Variants in VRTN observed in about 807,000 individuals in gnomAD.
VRTN encodes vertebrae development associated, also known as vertnin.
VRTN carries 5 observed loss-of-function variants against 18.2 expected under a neutral mutation model. That is an observed-to-expected ratio of 0.27 (90% CI 0.14 to 0.58). The LOEUF (loss-of-function observed/expected upper bound fraction) is 0.58. Among genes scored for constraint, VRTN ranks in the 20% least tolerant of loss-of-function variants. VRTN has a pLI of 0.91. For synonymous variants in VRTN, 381 were observed against 393.7 expected (o/e 0.97, Z 0.38); for missense variants, 741 against 939.4 (o/e 0.79, Z 2.76).
At chr14:74,345,603 T>C (rs2085638956), upstream of VRTN, among the ~76,000 whole-genome samples, 1 of 152,030 alleles carries the variant, frequency 6.6e-6, no homozygotes, top group African/African-American at 2.4e-5. Context: ...TAGTCAAAAA[T>C]GTTTTTAAAA....
In VRTN at chr14:74,357,566, G is replaced by T; in HGVS notation, c.783G>T (p.Leu261=). 1 of 1,613,950 alleles carries T rather than the reference G, an allele frequency of 6.2e-7. No homozygotes were observed. Among genetic ancestry groups the T allele is most frequent in the Non-Finnish European group, 8.5e-7 (1 of 1,180,024 alleles). ...GCGTGGCCCCAGCTCTTCCAGCCCT[G>T]GCCCCACTCTCATCGCCGGCCAAGA... ...APGVAPALPA[L]APLSSPAKTL... is the part of the protein sequence containing the mutation. Residue 261 remains leucine, a synonymous_variant, in exon 2 of 2, where the codon CTG becomes CTT. Transcript: ENST00000256362. The surrounding 1 kb of genome is among the most constrained non-coding windows in gnomAD (Gnocchi z 7.8).
At chr14:74,354,241 C>T (rs1207961136) in intron 1 of VRTN, among the ~76,000 whole-genome samples, 1 of 152,070 alleles carries the variant, frequency 6.6e-6, no homozygotes, top group African/African-American at 2.4e-5. Flanking sequence ...CTAACTTCAT[C>T]AGATATATAG....
Position 74,357,311 on chromosome 14 carries a change from G to T in VRTN, c.528G>T (p.Leu176Phe), listed in dbSNP as rs907971987. ...GCAGCTTCTCCAACGTGTGGCACTT[G>T]TATGCTCTCGCCTCTGTCCTCCAGC... ...FPSSFSNVWH[L>F]YALASVLQRN... is the part of the protein sequence containing the mutation. The change falls in exon 2 of 2, where the codon TTG (leucine) becomes TTT (phenylalanine). Residue 176 changes from leucine to phenylalanine, a missense_variant. Leu to Phe is a conservative substitution (Grantham distance 22, BLOSUM62 0). This residue lies in a region of VRTN where 186 missense variants were observed against 288.3 expected (regional missense o/e 0.65). Transcript: ENST00000256362. This position sits in a 1 kb window ranked among gnomAD's most constrained non-coding sequence, Gnocchi z 7.8. The T allele has an allele frequency of 1.2e-6, 2 of 1,613,640 alleles. No individual in the cohort carries two copies. The highest frequency in any genetic ancestry group is 8.5e-7 in the Non-Finnish European group (1 of 1,179,596).
At chr14:74,348,808 AG>A (rs1323497380) in intron 1 of VRTN, among the ~76,000 whole-genome samples, 156 bp downstream of exon 1, 1 of 151,848 alleles carries the variant, frequency 6.6e-6, no homozygotes, top group Non-Finnish European at 1.5e-5. Context: ...TGTGTCTGGG[AG>A]TGTATGTAGA....
At position 74,359,994 on chromosome 14, in the gene VRTN, G is replaced by A. The variant is rs2085768774; in HGVS notation, c.*1102G>A. ...CGTTTGAAAACCAAAGAAATAAAGT[G>A]ATGCAGTGCCCACAGTGCTTGGTCT... is the stretch of plus-strand genomic sequence containing the variant. On this transcript the variant is annotated 3_prime_UTR_variant, in exon 2 of 2. Transcript: ENST00000256362. The A allele has an allele frequency of 6.0e-6, 1 of 167,052 alleles. No individual in the cohort carries two copies. The highest frequency in any genetic ancestry group is 1.5e-5 in the Non-Finnish European group (1 of 68,122). 10.3% of individuals were successfully genotyped at this position (167,052 alleles called of 1,614,324 possible).
chr14:74,320,861 C>G (rs1210050933), intron 1 of VRTN, among the ~76,000 whole-genome samples: 2 of 127,216 alleles, frequency 1.6e-5, no homozygotes, highest in Admixed American at 1.8e-4. Flanking sequence ...GCTGGGATTA[C>G]AAGCGTGAGC....
chr14:74,323,717 C>G (rs578103979), intron 1 of VRTN, among the ~76,000 whole-genome samples: 1 of 152,214 alleles, frequency 6.6e-6, no homozygotes, highest in East Asian at 1.9e-4. Flanking sequence ...CCAAAGAATT[C>G]CATGCAATAC....
Position 74,358,589 on chromosome 14 carries a change from G to T in VRTN, c.1806G>T (p.Gly602=), listed in dbSNP as rs375546332. Residue 602 remains glycine, a synonymous_variant, in exon 2 of 2, where the codon GGG becomes GGT. Coordinates refer to ENST00000256362, the MANE Select transcript of VRTN (RefSeq NM_018228.3). The surrounding 1 kb of genome is among the most constrained non-coding windows in gnomAD (Gnocchi z 5.4). ...VGASSEDVEG[G]PSREGALQEG... Reference sequence around the variant, plus strand: ...CTTCTTCAGAAGATGTAGAGGGAGGGCCTTCCAGAGAGGGGGCCCTGCAGG... The same window carrying T: ...CTTCTTCAGAAGATGTAGAGGGAGGTCCTTCCAGAGAGGGGGCCCTGCAGG... The T allele has an allele frequency of 4.4e-6, 7 of 1,600,842 alleles. No individual in the cohort carries two copies. Among genetic ancestry groups the T allele is most frequent in the African/African-American group, 2.7e-5 (2 of 74,626 alleles).
rs779953147 is a variant in VRTN, at chr14:74,357,724, T to C, written c.941T>C (p.Phe314Ser). 11 of 1,613,446 alleles carry C rather than the reference T, an allele frequency of 6.8e-6. No individual in the cohort carries two copies. In the East Asian group the frequency reaches 2.5e-4, roughly 36 times the overall value. Residue 314 changes from phenylalanine (F) to serine (S), a missense_variant, in exon 2 of 2, where the codon TTC (phenylalanine) becomes TCC (serine). This residue lies in a region of VRTN where 494 missense variants were observed against 546.5 expected (regional missense o/e 0.90). Coordinates refer to ENST00000256362, the MANE Select transcript of VRTN (RefSeq NM_018228.3). This position sits in a 1 kb window ranked among gnomAD's most constrained non-coding sequence, Gnocchi z 7.8. ...QEHRQKVAAR[F>S]SAKHFLQDSF... ...CACCGGCAGAAGGTTGCTGCCCGCT[T>C]CTCCGCCAAGCACTTCCTGCAGGAC...
intron 1 of VRTN, 30 bp from the exon 2 acceptor site, chr14:74,356,753 C>T (rs777886648): frequency 1.6e-5 from 25 of 1,552,770 alleles, no homozygotes; most frequent in East Asian, 4.5e-5. Flanking sequence ...TTCGACCTGA[C>T]TACTGCCCCT....
chr14:74,317,733 T>C (rs1339114883), intron 1 of VRTN, among the ~76,000 whole-genome samples: 2 of 151,672 alleles, frequency 1.3e-5, no homozygotes, highest in Non-Finnish European at 2.9e-5. Context: ...ACTTGGGAGG[T>C]GGAGGTGGCA....
upstream of VRTN, among the ~76,000 whole-genome samples, chr14:74,343,803 A>AT (rs913855875): frequency 1.0e-4 from 15 of 148,440 alleles, no homozygotes; most frequent in African/African-American, 1.7e-4. Context: ...CATCGCATTA[A>AT]TTTTTTTTTT....
intron 1 of VRTN, among the ~76,000 whole-genome samples, chr14:74,307,486 GT>G (rs1168149225): frequency 6.6e-6 from 1 of 151,948 alleles, no homozygotes; most frequent in Admixed American, 6.6e-5. Flanking sequence ...AAAAATGACA[GT>G]TTTTTATAGA....
chr14:74,328,762 C>T (rs900577750), intron 1 of VRTN, among the ~76,000 whole-genome samples: 4 of 152,218 alleles, frequency 2.6e-5, no homozygotes, highest in Non-Finnish European at 5.9e-5. Context: ...CTTCAGGAGG[C>T]TGAGATGGGT....
At chr14:74,334,607 T>C (rs1263778145) in intron 1 of VRTN, among the ~76,000 whole-genome samples, 1 of 152,200 alleles carries the variant, frequency 6.6e-6, no homozygotes, top group Non-Finnish European at 1.5e-5. Context: ...ATAAAGAAGA[T>C]ACTGTTTTCC....
intron 1 of VRTN, among the ~76,000 whole-genome samples, chr14:74,313,415 A>G (rs2085401003): frequency 6.6e-6 from 1 of 152,198 alleles, no homozygotes; most frequent in Non-Finnish European, 1.5e-5. Flanking sequence ...CTTAAAAAAA[A>G]TGAAAGTTTG....
chr14:74,341,273 C>G (rs1014004397), intron 2 of VRTN, among the ~76,000 whole-genome samples: 1 of 152,140 alleles, frequency 6.6e-6, no homozygotes, highest in African/African-American at 2.4e-5. Flanking sequence ...TCTAAGAGAG[C>G]AATTAGATCT....
chr14:74,308,805 T>C (rs975722930), intron 1 of VRTN, among the ~76,000 whole-genome samples: 1 of 151,952 alleles, frequency 6.6e-6, no homozygotes, highest in Admixed American at 6.6e-5. Flanking sequence ...CGCGAGCCAC[T>C]GCACCCTGCT....
At chr14:74,354,911 G>A (rs1402801050) in intron 1 of VRTN, among the ~76,000 whole-genome samples, 1 of 151,912 alleles carries the variant, frequency 6.6e-6, no homozygotes, top group African/African-American at 2.4e-5. Flanking sequence ...GGAACCTGAG[G>A]CGGGCAGATC....
Sources: allele counts gnomAD v4.1 joint callset (sites outside exome capture counted in the v4.1 genomes callset), GRCh38; gene constraint gnomAD v4.1.1; regional missense constraint gnomAD v4.1.1; non-coding constraint Gnocchi (gnomAD v3.1); transcripts MANE v1.5; gene names NCBI Gene and HGNC (gene_info 2026-07-23, HGNC 2026-07-21).